FKBP15: variants seen among roughly 807,000 people sequenced by gnomAD.
FKBP15 encodes FK506-binding protein 15.
FKBP15 carries 106 observed loss-of-function variants against 158.1 expected under a neutral mutation model. The ratio of observed to expected loss-of-function variants is 0.67; its 90% confidence interval spans 0.57 to 0.79. FKBP15 has a LOEUF of 0.79. Among genes scored for constraint, FKBP15 ranks in the 30% least tolerant of loss-of-function variants. FKBP15 has a pLI of 0.00. For missense variants in FKBP15, 1,287 were observed against 1,479.1 expected, an observed-to-expected ratio of 0.87 and a Z score of 2.13; for synonymous variants, 547 against 548.6, an observed-to-expected ratio of 1.00 and a Z score of 0.04.
chr9:113,218,151 G>C (rs1324779862), intron 1 of FKBP15, among the ~76,000 whole-genome samples: 1 of 151,644 alleles, frequency 6.6e-6, no homozygotes, highest in Non-Finnish European at 1.5e-5. Flanking sequence ...TCTTTTTGTT[G>C]GTAAAGTATT....
At chr9:113,166,576 C>A (rs1415832598) in intron 27 of FKBP15, among the ~76,000 whole-genome samples, 1 of 152,216 alleles carries the variant, frequency 6.6e-6, no homozygotes, top group East Asian at 1.9e-4. Flanking sequence ...GGGAAGAAGA[C>A]AATCACATAT....
intron 1 of FKBP15, among the ~76,000 whole-genome samples, chr9:113,215,217 C>T (rs1831095060): frequency 2.0e-5 from 3 of 152,150 alleles, no homozygotes; most frequent in South Asian, 4.1e-4. Flanking sequence ...TGTTTACACG[C>T]CTTCCTCACA....
rs1182576135 is a variant in FKBP15, at chr9:113,162,655, G to A, written c.*3423C>T. The A allele has an allele frequency of 3.2e-5, 38 of 1,190,792 alleles. 1 individual carries two copies. In the South Asian group the frequency reaches 4.0e-4, roughly 13 times the overall value. 73.8% of individuals were successfully genotyped at this position (1,190,792 alleles called of 1,614,324 possible). On this transcript the variant is annotated 3_prime_UTR_variant, in exon 28 of 28. Coordinates refer to ENST00000238256, the MANE Select transcript of FKBP15 (RefSeq NM_015258.2). ...ACAAGTTATAAATCAATCGGGTCAC[G>A]TAACTCAACAGCTTTCTACTCCCTG... is the stretch of plus-strand genomic sequence containing the variant.
At chr9:113,202,716 G>T in intron 5 of FKBP15, 87 bp from the exon 6 acceptor site, 1 of 1,012,830 alleles carries the variant, frequency 9.9e-7, no homozygotes, top group Non-Finnish European at 1.5e-6. Flanking sequence ...GTAGGGTCTT[G>T]ACTCAGGTGG....
intron 2 of FKBP15, among the ~76,000 whole-genome samples, chr9:113,210,036 C>G (rs1392060223): frequency 6.6e-6 from 1 of 152,218 alleles, no homozygotes; most frequent in Non-Finnish European, 1.5e-5. Flanking sequence ...AGTAGGTCTT[C>G]CTTCTCACCA....
At chr9:113,195,204 G>A (rs1008386085) in intron 9 of FKBP15, among the ~76,000 whole-genome samples, 27 of 152,088 alleles carry the variant, frequency 1.8e-4, no homozygotes, top group African/African-American at 6.5e-4. Context: ...AGCATAAATG[G>A]GTTAATATAT....
At chr9:113,168,595 T>C (rs1243177989) in intron 26 of FKBP15, 39 bp from the exon 27 acceptor site, 4 of 1,586,424 alleles carry the variant, frequency 2.5e-6, no homozygotes, top group Non-Finnish European at 3.5e-6. Context: ...TTATTGTTCC[T>C]GCTCCAGGTC....
In FKBP15 at chr9:113,165,998, G is replaced by A. The variant is rs540268353; in HGVS notation, c.*80C>T. 8.7e-6 allele frequency: 12 copies of A among 1,383,958 alleles called. No individual in the cohort carries two copies. The highest frequency in any genetic ancestry group is 1.9e-4 in the Middle Eastern group (1 of 5,372). The allele number at this position is 1,383,958 out of a possible 1,614,324, so 85.7% of individuals were successfully genotyped here. A position where few individuals can be genotyped will look rare whatever the true frequency, so the allele number is the denominator to read the frequency against. ...TCACCTTGACCTCACCCTGTGGTTCGCCTAGACCCAGGGTTGGCTGTGCAA... is the reference window on the plus strand; with the variant it reads ...TCACCTTGACCTCACCCTGTGGTTCACCTAGACCCAGGGTTGGCTGTGCAA... On this transcript the variant is annotated 3_prime_UTR_variant, in exon 28 of 28. Coordinates refer to ENST00000238256, the MANE Select transcript of FKBP15 (RefSeq NM_015258.2).
chr9:113,221,091 C>CG, intron 1 of FKBP15, 100 bp downstream of exon 1: 1 of 1,317,962 alleles, frequency 7.6e-7, no homozygotes, highest in Non-Finnish European at 1.0e-6. Flanking sequence ...GGTCTCCCCC[C>CG]GGAAGTTGGG....
chr9:113,182,558 T>C (rs977255100), intron 19 of FKBP15, among the ~76,000 whole-genome samples: 1 of 152,186 alleles, frequency 6.6e-6, no homozygotes, highest in African/African-American at 2.4e-5. Flanking sequence ...CTAAGATCAG[T>C]GATTATTTTT....
At position 113,203,002 on chromosome 9, in the gene FKBP15, G is replaced by T; in HGVS notation, c.358C>A (p.Pro120Thr). The T allele has an allele frequency of 6.2e-7, 1 of 1,612,834 alleles. No homozygotes were observed. Residue 120 changes from proline to threonine, a missense_variant, in exon 5 of 28, where the codon CCA (proline) becomes ACA (threonine). Coordinates refer to ENST00000238256, the MANE Select transcript of FKBP15 (RefSeq NM_015258.2). ...RILLYISQQQ[P>T]VTVARIHVNF... ...ACATGAATCCTAGCAACCGTAACTG[G>T]CTGTTGTTGACTGATATAAAGAAGA...
chr9:113,170,511 G>T lies in FKBP15; in HGVS notation c.2766+11C>A. Reference sequence around the variant, plus strand: ...AATACGATGAAACAAATGACAGCTGGCTGGCTGTACCTTGATCGTATTCAT... The same window carrying T: ...AATACGATGAAACAAATGACAGCTGTCTGGCTGTACCTTGATCGTATTCAT... On this transcript the variant is annotated intron_variant, in intron 25 of 27. Transcript: ENST00000238256. 1 of 1,574,866 alleles carries T rather than the reference G, an allele frequency of 6.3e-7. No homozygotes were observed. Among genetic ancestry groups the T allele is most frequent in the Non-Finnish European group, 8.7e-7 (1 of 1,144,766 alleles).
In FKBP15 at chr9:113,197,087, A is replaced by G. The variant is rs2118916280; in HGVS notation, c.718-9T>C. The stretch of plus-strand genomic sequence containing the variant: ...ATTCCATCCTCCCAGCCCTTTAAAA[A>G]TCAGATAGGAAAAGCTCATCAAACA... On this transcript the variant is annotated splice_polypyrimidine_tract_variant and intron_variant, in intron 8 of 27. Coordinates refer to ENST00000238256, the MANE Select transcript of FKBP15 (RefSeq NM_015258.2). 17 of 1,611,110 alleles carry G rather than the reference A, an allele frequency of 1.1e-5. No individual in the cohort carries two copies. Among genetic ancestry groups the G allele is most frequent in the Non-Finnish European group, 1.4e-5 (17 of 1,177,640 alleles).
Position 113,194,033 on chromosome 9 carries a change from T to A in FKBP15, c.1001A>T (p.Lys334Ile). Reference sequence around the variant, plus strand: ...TACAACTGCAGTATCTTACCCTGATTTGAAAGGTATTGATGTGGGTGGTGA... The same window carrying A: ...TACAACTGCAGTATCTTACCCTGATATGAAAGGTATTGATGTGGGTGGTGA... ...VVSPPTSIPFKSGEPALRTKS... is the reference protein window; with the variant it reads ...VVSPPTSIPFISGEPALRTKS... Residue 334 changes from lysine to isoleucine, a missense_variant, in exon 10 of 28, where the codon AAA becomes ATA. Physicochemically the swap from Lys to Ile is moderately radical, Grantham distance 102. Coordinates refer to ENST00000238256, the MANE Select transcript of FKBP15 (RefSeq NM_015258.2). 1 of 1,609,618 alleles carries A rather than the reference T, an allele frequency of 6.2e-7. No individual in the cohort carries two copies. The highest frequency in any genetic ancestry group is 8.5e-7 in the Non-Finnish European group (1 of 1,177,248).
intron 3 of FKBP15, chr9:113,206,793 T>G (rs1203656236): frequency 4.0e-6 from 2 of 495,270 alleles, no homozygotes; most frequent in Non-Finnish European, 3.6e-6. Context: ...CTTGGCTCAC[T>G]GCAACCTCTG....
chr9:113,178,667 G>A lies in FKBP15; in HGVS notation c.2049C>T (p.Leu683=), dbSNP rs765712264. 3.1e-6 allele frequency: 5 copies of A among 1,610,354 alleles called. No individual in the cohort carries two copies. The East Asian group carries it at 1.1e-4, about 36-fold the overall frequency. The change falls in exon 20 of 28, where the codon CTC becomes CTT. Residue 683 remains leucine (L), a synonymous_variant. Transcript: ENST00000238256. The part of the protein sequence containing the change: ...LTESLKETDL[L]RGQLTKVQAK... ...CCTGCACTTTGGTGAGCTGGCCCCT[G>A]AGAAGATCTGTCTCCTTCAGGCTTT...
At position 113,161,757 on chromosome 9, in the gene FKBP15, C is replaced by G. The variant is rs1189662098; in HGVS notation, c.*4321G>C. The G allele has an allele frequency of 1.3e-5, 21 of 1,569,786 alleles. No homozygotes were observed. The highest frequency in any genetic ancestry group is 1.8e-5 in the Non-Finnish European group (21 of 1,143,952). Reference sequence around the variant, plus strand: ...CCTCACATTCACCCTGAGAGACAGGCTGGCCCAGACAGCATTAGCCCCACT... The same window carrying G: ...CCTCACATTCACCCTGAGAGACAGGGTGGCCCAGACAGCATTAGCCCCACT... On this transcript the variant is annotated 3_prime_UTR_variant, in exon 28 of 28. Transcript: ENST00000238256.
At chr9:113,169,178 C>T in intron 26 of FKBP15, 46 bp downstream of exon 26, 5 of 1,555,252 alleles carry the variant, frequency 3.2e-6, no homozygotes, top group Non-Finnish European at 3.5e-6. Flanking sequence ...AGACACTCAC[C>T]ACAGATAACT....
In FKBP15 at chr9:113,161,040, CT is replaced by C. The variant is rs1334085271; in HGVS notation, c.*5037del. Reference sequence around the variant, plus strand: ...TAAAATAATTTATTGGGTTTTTCCCCTATTATAAAAGTAATATATATAAAAG... The same window carrying C: ...TAAAATAATTTATTGGGTTTTTCCCCATTATAAAAGTAATATATATAAAAG... On this transcript the variant is annotated 3_prime_UTR_variant, in exon 28 of 28. Coordinates refer to ENST00000238256, the MANE Select transcript of FKBP15 (RefSeq NM_015258.2). 2 of 152,716 alleles carry C rather than the reference CT, an allele frequency of 1.3e-5. No homozygotes were observed. Among genetic ancestry groups the C allele is most frequent in the East Asian group, 3.8e-4 (2 of 5,210 alleles). The allele number at this position is 152,716 out of a possible 1,614,324, so 9.5% of individuals were successfully genotyped here. A position where few individuals can be genotyped will look rare whatever the true frequency, so the allele number is the denominator to read the frequency against.
Sources: allele counts gnomAD v4.1 joint callset (sites outside exome capture counted in the v4.1 genomes callset), GRCh38; gene constraint gnomAD v4.1.1; transcripts MANE v1.5; gene names NCBI Gene and HGNC (gene_info 2026-07-23, HGNC 2026-07-21).